FABP6: variants seen among roughly 807,000 people sequenced by gnomAD.
The protein encoded by FABP6 is gastrotropin.
FABP6 carries 13 observed loss-of-function variants against 14.9 expected under a neutral mutation model. The observed-to-expected ratio is 0.87, with a 90% confidence interval of 0.57 to 1.39. The LOEUF is 1.39. FABP6 is among the 40% of genes most tolerant of loss of function. FABP6 has a pLI of 0.00. For synonymous variants in FABP6, 75 were observed against 63.6 expected, an observed-to-expected ratio of 1.18 and a Z score of -0.85; for missense variants, 161 against 167.2, an observed-to-expected ratio of 0.96 and a Z score of 0.20.
chr5:160,188,142 G>C (rs1759324407), intron 1 of FABP6, among the ~76,000 whole-genome samples: 1 of 152,138 alleles, frequency 6.6e-6, no homozygotes, highest in African/African-American at 2.4e-5. Flanking sequence ...CGGGAGAAAA[G>C]CAGGCAGGGG....
At chr5:160,201,285 G>T (rs570642535) in intron 2 of FABP6, among the ~76,000 whole-genome samples, 61 of 152,162 alleles carry the variant, frequency 4.0e-4, no homozygotes, top group African/African-American at 1.5e-3. Context: ...TTGTGTCCAG[G>T]AGGTCGAGGC....
At chr5:160,191,441 T>A (rs934921033) in intron 1 of FABP6, among the ~76,000 whole-genome samples, 3 of 146,126 alleles carry the variant, frequency 2.1e-5, no homozygotes, top group Admixed American at 1.4e-4. Flanking sequence ...CACTCCAGCC[T>A]GGGCAACAAG....
chr5:160,202,539 G>T (rs1443284868), intron 2 of FABP6, among the ~76,000 whole-genome samples: 1 of 152,148 alleles, frequency 6.6e-6, no homozygotes, highest in South Asian at 2.1e-4. Context: ...GCTCACGCCC[G>T]TAATCCCAGC....
intron 3 of FABP6, among the ~76,000 whole-genome samples, chr5:160,222,447 C>T (rs1760148879): frequency 6.6e-6 from 1 of 152,116 alleles, no homozygotes; most frequent in Non-Finnish European, 1.5e-5. Context: ...GATTCACCTG[C>T]CTCAGCCTCC....
At chr5:160,207,857 G>A (rs994002407) in intron 2 of FABP6, among the ~76,000 whole-genome samples, 1 of 151,858 alleles carries the variant, frequency 6.6e-6, no homozygotes, top group African/African-American at 2.4e-5. Flanking sequence ...CCCAGTAGCT[G>A]GGATTACAGG....
At chr5:160,213,856 G>C in intron 3 of FABP6, 1 of 1,556,116 alleles carries the variant, frequency 6.4e-7, no homozygotes. Flanking sequence ...GGTTCCTGAC[G>C]TTTTTCAGAT....
At chr5:160,194,834 CACTCCCT>C (rs1386284448) in intron 1 of FABP6, among the ~76,000 whole-genome samples, 1 of 152,184 alleles carries the variant, frequency 6.6e-6, no homozygotes, top group African/African-American at 2.4e-5. Flanking sequence ...CCATATTCCC[CACTCCCT>C]GCCCACCCCA....
intron 1 of FABP6, among the ~76,000 whole-genome samples, chr5:160,230,206 A>C (rs930162929): frequency 1.3e-5 from 2 of 152,018 alleles, no homozygotes; most frequent in Non-Finnish European, 2.9e-5. Context: ...ACTTTAAAAC[A>C]CACATAGAAT....
intron 2 of FABP6, chr5:160,199,279 C>T (rs1192739523): frequency 1.1e-6 from 1 of 941,756 alleles, no homozygotes; most frequent in East Asian, 2.5e-5. Flanking sequence ...TAATAACAGA[C>T]TTGTCATGGC....
rs1178342289 is a variant in FABP6 at position 160,234,825 on chromosome 5, T to C, written c.249T>C (p.Thr83=). ...ATGTTGTGCTTCCATTCCAGGCCAC[T>C]GTGCAGATGGAGGGCGGGAAGCTGG... ...QTMGGKTFKA[T]VQMEGGKLVV... Residue 83 remains threonine, a synonymous_variant, in exon 3 of 4, where the codon ACT becomes ACC. Transcript: ENST00000402432. The C allele has an allele frequency of 2.5e-6, 4 of 1,608,428 alleles. No homozygotes were observed. Among genetic ancestry groups the C allele is most frequent in the Non-Finnish European group, 3.4e-6 (4 of 1,177,028 alleles).
intron 1 of FABP6, 95 bp from the exon 2 acceptor site, chr5:160,232,003 G>A (rs1464246650): frequency 2.5e-5 from 35 of 1,409,146 alleles, no homozygotes; most frequent in Middle Eastern, 3.7e-4. Flanking sequence ...TGCACAAGGG[G>A]GTAGGGCGGT....
At chr5:160,214,113 T>A (rs1369841557) in intron 3 of FABP6, among the ~76,000 whole-genome samples, 1 of 139,196 alleles carries the variant, frequency 7.2e-6, no homozygotes, top group African/African-American at 2.8e-5. Context: ...CTTTCTTTCT[T>A]TCTTTCTTTC....
At chr5:160,236,303 A>G (rs1460168211) in intron 3 of FABP6, among the ~76,000 whole-genome samples, 1 of 152,084 alleles carries the variant, frequency 6.6e-6, no homozygotes, top group Non-Finnish European at 1.5e-5. Flanking sequence ...GGTGTGAGCC[A>G]CTGCACCAGG....
At chr5:160,188,743 C>G (rs1759340675) in intron 1 of FABP6, among the ~76,000 whole-genome samples, 1 of 152,198 alleles carries the variant, frequency 6.6e-6, no homozygotes, top group African/African-American at 2.4e-5. Flanking sequence ...GTCTCTGGGC[C>G]TCAGATTTTC....
chr5:160,225,106 G>A (rs1170027446), upstream of FABP6, among the ~76,000 whole-genome samples: 9 of 139,154 alleles, frequency 6.5e-5, no homozygotes, highest in Admixed American at 6.6e-4. Context: ...TTTTTTTTTT[G>A]TTTTTTTTGA....
chr5:160,190,963 A>AG (rs1477120780), intron 1 of FABP6, among the ~76,000 whole-genome samples: 1 of 150,984 alleles, frequency 6.6e-6, no homozygotes, highest in African/African-American at 2.4e-5. Flanking sequence ...ATGAAAAAAA[A>AG]AAAATTAGCC....
chr5:160,215,338 AC>A (rs1415957848), intron 3 of FABP6, among the ~76,000 whole-genome samples: 2 of 151,950 alleles, frequency 1.3e-5, no homozygotes, highest in Non-Finnish European at 2.9e-5. Flanking sequence ...ACATGGTGAA[AC>A]CCCGTCTTTA....
chr5:160,213,848 T>G, intron 3 of FABP6: 17 of 1,514,306 alleles, frequency 1.1e-5, no homozygotes, highest in Non-Finnish European at 1.5e-5. Context: ...GAGGGAAGGG[T>G]TCCTGACGTT....
chr5:160,237,234 G>C (rs1014031170), intron 3 of FABP6, among the ~76,000 whole-genome samples: 1 of 152,072 alleles, frequency 6.6e-6, no homozygotes, highest in African/African-American at 2.4e-5. Flanking sequence ...GGCCTGACAA[G>C]AGAATTGATC....
Sources: gnomAD v4.1 joint callset for allele counts (sites outside exome capture counted in the v4.1 genomes callset) on GRCh38, gnomAD v4.1.1 for gene constraint, MANE v1.5 for transcripts, NCBI Gene and HGNC (gene_info 2026-07-23, HGNC 2026-07-21) for gene names.